KIF1A: variants seen among roughly 807,000 people sequenced by gnomAD.
KIF1A encodes the protein kinesin-like protein KIF1A.
KIF1A carries 46 observed loss-of-function variants against 227.3 expected under a neutral mutation model. The ratio of observed to expected loss-of-function variants is 0.20; its 90% CI spans 0.16 to 0.26. The LOEUF (loss-of-function observed/expected upper bound fraction) is 0.26, where lower values mean the gene tolerates loss of function less well. Ranked by LOEUF, KIF1A falls within the 10% of genes least tolerant of loss-of-function variation. KIF1A has a pLI of 1.00. For missense variants in KIF1A, 1,683 were observed against 2,485.9 expected, an observed-to-expected ratio of 0.68 and a Z score of 6.87; for synonymous variants, 1,022 against 1,012.8, an observed-to-expected ratio of 1.01 and a Z score of -0.17.
Position 240,719,914 on chromosome 2 carries a change from G to C in KIF1A, c.4881C>G (p.Pro1627=). The C allele has an allele frequency of 1.2e-6, 2 of 1,609,372 alleles. No homozygotes were observed. The highest frequency in any genetic ancestry group is 1.7e-6 in the Non-Finnish European group (2 of 1,178,762). Residue 1627 remains proline, a synonymous_variant, in exon 46 of 49, where the codon CCC becomes CCG. Transcript: ENST00000498729. ...YGATDLRTPQ[P]CSRPASPEPE... The stretch of plus-strand genomic sequence containing the variant: ...GCTCTGGGCTGGCTGGCCGGGAGCA[G>C]GGCTGCGGGGTCCTGGGAAGCAGAG...
chr2:240,811,098 G>A (rs6754672), intron 1 of KIF1A, among the ~76,000 whole-genome samples: 189 of 152,182 alleles, frequency 1.2e-3, no homozygotes, highest in African/African-American at 4.4e-3. Context: ...GCAGTGGCTC[G>A]TGCCTGTAAT....
intron 1 of KIF1A, chr2:240,818,918 G>A (rs905920790): frequency 2.0e-5 from 3 of 152,306 alleles, no homozygotes; most frequent in African/African-American, 7.2e-5. Context: ...CTTGGAAAGG[G>A]CTGACGCTTG....
intron 1 of KIF1A, among the ~76,000 whole-genome samples, chr2:240,810,534 T>G (rs2057784545): frequency 1.3e-5 from 2 of 152,128 alleles, no homozygotes; most frequent in Admixed American, 6.5e-5. Flanking sequence ...CTGCAGACCT[T>G]GTGCCCCAGC....
At chr2:240,808,890 C>A (rs2057649187) in intron 1 of KIF1A, among the ~76,000 whole-genome samples, 1 of 152,022 alleles carries the variant, frequency 6.6e-6, no homozygotes, top group South Asian at 2.1e-4. Context: ...ACCACCACGC[C>A]CGGCTAATTT....
intron 17 of KIF1A, 54 bp from the exon 18 acceptor site, chr2:240,767,399 TGGCCACA>T: frequency 6.9e-7 from 1 of 1,441,750 alleles, no homozygotes; most frequent in Non-Finnish European, 9.7e-7. Flanking sequence ...AGCCTGATGC[TGGCCACA>T]CCCCCCTCCA....
intron 1 of KIF1A, among the ~76,000 whole-genome samples, chr2:240,815,220 A>T (rs1443996737): frequency 6.6e-6 from 1 of 152,112 alleles, no homozygotes; most frequent in Non-Finnish European, 1.5e-5. Context: ...ACACCGACCC[A>T]TGACCTTGAG....
chr2:240,816,855 G>A (rs889663698), intron 1 of KIF1A, among the ~76,000 whole-genome samples: 3 of 152,232 alleles, frequency 2.0e-5, no homozygotes, highest in African/African-American at 7.2e-5. Context: ...GTCTCCACCT[G>A]CTGCTGACCT....
At chr2:240,797,405 G>C (rs2056522512) in intron 2 of KIF1A, among the ~76,000 whole-genome samples, 1 of 152,180 alleles carries the variant, frequency 6.6e-6, no homozygotes, top group South Asian at 2.1e-4. Context: ...GTGAGGCCCT[G>C]CTGGCACCTT....
rs1452596232 is a variant in KIF1A, at chr2:240,775,042, C to G, written c.959-781G>C. Among the ~76,000 whole-genome samples the G allele has an allele frequency of 1.3e-5, 2 of 152,228 alleles. No homozygotes were observed. The highest frequency in any genetic ancestry group is 2.9e-5 in the Non-Finnish European group (2 of 68,026). On this transcript the variant is annotated intron_variant, in intron 11 of 48. Coordinates refer to ENST00000498729, the MANE Select transcript of KIF1A (RefSeq NM_001244008.2). The surrounding 1 kb of genome is among the most constrained non-coding windows in gnomAD (Gnocchi z 5.5). ...CCCTGCCCCCGCCCTGGGACTGAAC[C>G]TGGGTGTGCCTGGAGCAGGCGGCTC... is the stretch of plus-strand genomic sequence containing the variant.
At chr2:240,808,953 A>C (rs2057655252) in intron 1 of KIF1A, among the ~76,000 whole-genome samples, 1 of 151,712 alleles carries the variant, frequency 6.6e-6, no homozygotes, top group Admixed American at 6.6e-5. Context: ...GCTGGTCTTG[A>C]ACTCCTGACC....
intron 6 of KIF1A, 119 bp downstream of exon 6, chr2:240,786,216 C>A (rs1293473268): frequency 1.7e-5 from 17 of 1,008,338 alleles, no homozygotes; most frequent in Non-Finnish European, 2.4e-5. Context: ...GAGGCCACAC[C>A]TCCGCGGGGG....
intron 14 of KIF1A, among the ~76,000 whole-genome samples, 186 bp downstream of exon 14, chr2:240,772,384 C>T (rs1011038139): frequency 1.3e-5 from 2 of 152,174 alleles, no homozygotes; most frequent in Admixed American, 6.5e-5. Context: ...CAGAGGCAGA[C>T]AGAATCCCAC....
rs1475549093 is a variant in KIF1A at position 240,788,465 on chromosome 2, G to T, written c.184-235C>A. Among the ~76,000 whole-genome samples the T allele has an allele frequency of 6.6e-6, 1 of 152,196 alleles. No homozygotes were observed. The highest frequency in any genetic ancestry group is 1.5e-5 in the Non-Finnish European group (1 of 68,044). On this transcript the variant is annotated intron_variant, in intron 3 of 48. Transcript: ENST00000498729. The surrounding 1 kb of genome is among the most constrained non-coding windows in gnomAD (Gnocchi z 6.6). ...GCCAGCCAGGCAGGAGGCAGGACGG[G>T]TTCCAGCAGAGGGAACAGCATGTGA...
At position 240,761,294 on chromosome 2, in the gene KIF1A, G is replaced by A. The variant is rs1352069271; in HGVS notation, c.2200C>T (p.Leu734=). The A allele has an allele frequency of 1.2e-6, 2 of 1,613,930 alleles. No individual in the cohort carries two copies. The highest frequency in any genetic ancestry group is 1.3e-5 in the African/African-American group (1 of 75,078). ...KWYQFTSLRD[L]LWGNAIFLKE... is the part of the protein sequence containing the mutation. ...AGGAAGATGGCGTTGCCCCACAGCAGGTCCCGCAGAGACGTGAACTGGTAC... is the reference window on the plus strand; with the variant it reads ...AGGAAGATGGCGTTGCCCCACAGCAAGTCCCGCAGAGACGTGAACTGGTAC... Residue 734 remains leucine (L), a synonymous_variant, in exon 24 of 49, where the codon CTG becomes TTG. Transcript: ENST00000498729.
intron 28 of KIF1A, chr2:240,748,625 C>G: frequency 4.0e-6 from 1 of 249,012 alleles, no homozygotes; most frequent in Non-Finnish European, 8.8e-6. Context: ...ATAGGTGTTC[C>G]CAGCTTCCCT....
Position 240,761,330 on chromosome 2 carries a change from T to G in KIF1A, c.2164A>C (p.Lys722Gln). 6.2e-7 allele frequency: 1 copy of G among 1,613,530 alleles called. No homozygotes were observed. The highest frequency in any genetic ancestry group is 1.3e-5 in the African/African-American group (1 of 75,048). ...ECELALWAFRKWKWYQFTSLR... is the reference protein window; with the variant it reads ...ECELALWAFRQWKWYQFTSLR... Reference sequence around the variant, plus strand: ...GACGTGAACTGGTACCACTTCCACTTCCGGAAGGCCCAGAGCGCCAGCTCA... The same window carrying G: ...GACGTGAACTGGTACCACTTCCACTGCCGGAAGGCCCAGAGCGCCAGCTCA... Residue 722 changes from lysine (K) to glutamine (Q), a missense_variant, in exon 24 of 49, where the codon AAG becomes CAG. Lys to Gln is a moderately conservative substitution (Grantham distance 53). Transcript: ENST00000498729.
chr2:240,807,343 A>T (rs1467867107), intron 1 of KIF1A, among the ~76,000 whole-genome samples: 1 of 152,010 alleles, frequency 6.6e-6, no homozygotes, highest in Non-Finnish European at 1.5e-5. Flanking sequence ...TGGTTTCTCC[A>T]TGTTGGTCAG....
At chr2:240,754,729 A>G (rs1258707613) in intron 27 of KIF1A, among the ~76,000 whole-genome samples, 1 of 152,256 alleles carries the variant, frequency 6.6e-6, no homozygotes, top group Admixed American at 6.5e-5. Context: ...TGTCCCTACC[A>G]GCCACAGACA....
At position 240,766,749 on chromosome 2, in the gene KIF1A, T is replaced by TCACACACACA. The variant is rs55815321; in HGVS notation, c.1684+156_1684+165dup. On this transcript the variant is annotated intron_variant, in intron 19 of 48. Coordinates refer to ENST00000498729, the MANE Select transcript of KIF1A (RefSeq NM_001244008.2). The surrounding 1 kb of genome is among the most constrained non-coding windows in gnomAD (Gnocchi z 5.0). ...CTCTCTCTCTCTCTCTCTCTCTCTC[T>TCACACACACA]CACACACACACACACACACACACAC... 6.0e-4 allele frequency among the ~76,000 whole-genome samples: 65 copies of TCACACACACA among 109,008 alleles called. No homozygotes were observed. The highest frequency in any genetic ancestry group is 1.6e-3 in the African/African-American group (39 of 24,160). 71.5% of individuals were successfully genotyped at this position (109,008 alleles called of 152,430 possible). A position where few individuals can be genotyped will look rare whatever the true frequency, so the allele number is the denominator to read the frequency against.
Sources: gnomAD v4.1 joint callset for allele counts (sites outside exome capture counted in the v4.1 genomes callset) on GRCh38, gnomAD v4.1.1 for gene constraint, Gnocchi (gnomAD v3.1) non-coding constraint, MANE v1.5 for transcripts, NCBI Gene and HGNC (gene_info 2026-07-23, HGNC 2026-07-21) for gene names.